Variants in AIFM2 observed in about 807,000 individuals in gnomAD.
AIFM2 encodes ferroptosis suppressor protein 1.
In AIFM2, 38 loss-of-function variants were observed where a neutral mutation model predicts 35.7. The ratio of observed to expected loss-of-function variants is 1.06; its 90% CI spans 0.82 to 1.39. The LOEUF (loss-of-function observed/expected upper bound fraction) is 1.39. Among genes scored for constraint, AIFM2 ranks in the 40% most tolerant of loss-of-function variants. The probability of loss-of-function intolerance (pLI) is 0.00; values close to 1 mark genes in which losing one functional copy is unlikely to be tolerated. For synonymous variants in AIFM2, 185 were observed against 203.5 expected (o/e 0.91, Z 0.77); for missense variants, 476 against 491.2 (o/e 0.97, Z 0.29).
chr10:70,121,297 T>A, intron 3 of AIFM2, 86 bp from the exon 4 acceptor site: 6 of 1,392,704 alleles, frequency 4.3e-6, no homozygotes, highest in Non-Finnish European at 5.5e-6. Context: ...CTCTGCATCC[T>A]ACTCCCGGCC....
In AIFM2 at chr10:70,113,035, G is replaced by A. The variant is rs979171677; in HGVS notation, c.*1143C>T. 6.6e-6 allele frequency: 1 copy of A among 152,198 alleles called. No individual in the cohort carries two copies. Among genetic ancestry groups the A allele is most frequent in the Admixed American group, 6.5e-5 (1 of 15,284 alleles). 9.4% of individuals were successfully genotyped at this position (152,198 alleles called of 1,614,324 possible). A position where few individuals can be genotyped will look rare whatever the true frequency, so the allele number is the denominator to read the frequency against. On this transcript the variant is annotated 3_prime_UTR_variant, in exon 9 of 9. Coordinates refer to ENST00000307864, the MANE Select transcript of AIFM2 (RefSeq NM_032797.6). ...AGAAACCCCCTCTGCTCGCTAATGG[G>A]TAAGCAGATGGCACCCCGCAAAGAG... is the stretch of plus-strand genomic sequence containing the variant.
intron 3 of AIFM2, among the ~76,000 whole-genome samples, chr10:70,121,781 T>G (rs2072510075): frequency 6.6e-6 from 1 of 150,754 alleles, no homozygotes; most frequent in Non-Finnish European, 1.5e-5. Context: ...TAATTTAATT[T>G]TTTTAAATTA....
chr10:70,119,844 T>C (rs2072478645), intron 5 of AIFM2, among the ~76,000 whole-genome samples: 1 of 152,210 alleles, frequency 6.6e-6, no homozygotes, highest in Non-Finnish European at 1.5e-5. Flanking sequence ...TTGCCAAGCC[T>C]GGACAGGGTG....
chr10:70,124,039 T>C lies in AIFM2; in HGVS notation c.46A>G (p.Ile16Val), dbSNP rs2072539391. ...SVESGALHVV[I>V]VGGGFGGIAA... ...ATCCCGCCAAAGCCCCCACCCACAA[T>C]CACCACGTGCAGAGCTCCCGATTCC... Residue 16 changes from isoleucine (I) to valine (V), a missense_variant, in exon 2 of 9, where the codon ATT becomes GTT. Ile to Val is a conservative substitution (Grantham distance 29). Coordinates refer to ENST00000307864, the MANE Select transcript of AIFM2 (RefSeq NM_032797.6). The C allele has an allele frequency of 6.2e-7, 1 of 1,609,430 alleles. No individual in the cohort carries two copies. The highest frequency in any genetic ancestry group is 1.3e-5 in the African/African-American group (1 of 74,638).
Position 70,123,498 on chromosome 10 carries a change from A to C in AIFM2, c.201T>G (p.Ile67Met). Reference protein sequence around the residue: ...VETGFAKKTFISYSVTFKDNF... With the variant: ...VETGFAKKTFMSYSVTFKDNF... ...TGTCCTTGAAAGTCACCGAGTAAGA[A>C]ATGAATGTCTTTTTGGCGAACCCTG... Residue 67 changes from isoleucine (I) to methionine (M), a missense_variant, in exon 3 of 9, where the codon ATT (isoleucine) becomes ATG (methionine). Coordinates refer to ENST00000307864, the MANE Select transcript of AIFM2 (RefSeq NM_032797.6). 1.2e-6 allele frequency: 2 copies of C among 1,614,094 alleles called. No homozygotes were observed. Among genetic ancestry groups the C allele is most frequent in the South Asian group, 1.1e-5 (1 of 91,082 alleles).
In AIFM2 at chr10:70,120,580, A is replaced by ATGAACC; in HGVS notation, c.428_433dup (p.Arg143_Phe144dup). The ATGAACC allele has an allele frequency of 6.2e-7, 1 of 1,614,088 alleles. No individual in the cohort carries two copies. The highest frequency in any genetic ancestry group is 2.2e-5 in the East Asian group (1 of 44,890). On this transcript the variant is annotated inframe_insertion, in exon 5 of 9. Coordinates refer to ENST00000307864, the MANE Select transcript of AIFM2 (RefSeq NM_032797.6). ...AGCCGAGCCTCCTCCCACCACCACG[A>ATGAACC]TGAACCGTGAGCGCTGGACCTGGAG...
chr10:70,129,145 T>C (rs2072600512), intron 1 of AIFM2, among the ~76,000 whole-genome samples: 1 of 113,930 alleles, frequency 8.8e-6, no homozygotes, highest in East Asian at 2.5e-4. Context: ...TTTTTTTTTG[T>C]AGAGATGAGG....
intron 3 of AIFM2, among the ~76,000 whole-genome samples, chr10:70,122,609 C>T (rs1386406118): frequency 6.6e-6 from 1 of 152,194 alleles, no homozygotes; most frequent in Non-Finnish European, 1.5e-5. Context: ...GCCCCAGTGA[C>T]GTCCCGATCC....
intron 1 of AIFM2, among the ~76,000 whole-genome samples, chr10:70,126,930 G>C (rs1483641913): frequency 6.6e-6 from 1 of 152,120 alleles, no homozygotes; most frequent in Non-Finnish European, 1.5e-5. Context: ...CAACCCCCCG[G>C]CAGGCAGGGC....
chr10:70,120,525 T>C lies in AIFM2; in HGVS notation c.489A>G (p.Thr163=). Residue 163 remains threonine (T), a synonymous_variant, in exon 5 of 9, where the codon ACA becomes ACG. Coordinates refer to ENST00000307864, the MANE Select transcript of AIFM2 (RefSeq NM_032797.6). ...AGVEMAAEIK[T]EYPEKEVTLI... The stretch of plus-strand genomic sequence containing the variant: ...GGCTCACCTCTTTCTCAGGATATTC[T>C]GTTTTAATCTCTGCTGCCATCTCCA... The C allele has an allele frequency of 1.2e-6, 2 of 1,614,208 alleles. No individual in the cohort carries two copies. Among genetic ancestry groups the C allele is most frequent in the South Asian group, 2.2e-5 (2 of 91,086 alleles).
At chr10:70,121,362 C>T (rs1008007146) in intron 3 of AIFM2, 151 bp from the exon 4 acceptor site, 1 of 1,289,508 alleles carries the variant, frequency 7.8e-7, no homozygotes, top group African/African-American at 1.5e-5. Context: ...GAGGCAGCCC[C>T]CATGGGAGGG....
rs149850946 is a variant in AIFM2 at position 70,123,447 on chromosome 10, C to G, written c.252G>C (p.Gly84=). The change falls in exon 3 of 9, where the codon GGG becomes GGC. Residue 84 remains glycine, a synonymous_variant. Transcript: ENST00000307864. The part of the protein sequence containing the change: ...KDNFRQGLVV[G]IDLKNQMVLL... ...GCACCATCTGGTTCTTCAGGTCTAT[C>G]CCCACTACTAGCCCCTGCCGGAAGT... The G allele has an allele frequency of 1.3e-5, 21 of 1,614,074 alleles. No homozygotes were observed. In the African/African-American group the frequency reaches 2.8e-4, roughly 22 times the overall value.
Position 70,123,441 on chromosome 10 carries a change from G to C in AIFM2, c.258C>G (p.Asp86Glu). 1 of 1,614,164 alleles carries C rather than the reference G, an allele frequency of 6.2e-7. No homozygotes were observed. Among genetic ancestry groups the C allele is most frequent in the Middle Eastern group, 1.7e-4 (1 of 6,060 alleles). The change falls in exon 3 of 9, where the codon GAC becomes GAG. Residue 86 changes from aspartate to glutamate, a missense_variant. Physicochemically the swap from Asp to Glu is conservative, Grantham distance 45 (BLOSUM62 2). Transcript: ENST00000307864. ...GCAGCAGCACCATCTGGTTCTTCAGGTCTATCCCCACTACTAGCCCCTGCC... is the reference window on the plus strand; with the variant it reads ...GCAGCAGCACCATCTGGTTCTTCAGCTCTATCCCCACTACTAGCCCCTGCC... ...NFRQGLVVGIDLKNQMVLLQG... is the reference protein window; with the variant it reads ...NFRQGLVVGIELKNQMVLLQG...
chr10:70,123,215 T>C (rs1167906439), intron 3 of AIFM2, among the ~76,000 whole-genome samples, 190 bp downstream of exon 3: 1 of 152,120 alleles, frequency 6.6e-6, no homozygotes, highest in Non-Finnish European at 1.5e-5. Flanking sequence ...GACAGGGTTT[T>C]GCCATGTTGG....
rs191321656 is a variant in AIFM2, at chr10:70,126,213, C to T, written c.-13-2116G>A. 5.7e-3 allele frequency among the ~76,000 whole-genome samples: 864 copies of T among 152,360 alleles called. 15 individuals carry two copies. The highest frequency in any genetic ancestry group is 0.02 in the African/African-American group (819 of 41,586). On this transcript the variant is annotated intron_variant, in intron 1 of 8. Transcript: ENST00000307864. ...CCCTGAGAGGTGACAAGCAATCAAC[C>T]CTCCTCCTGGCCTGTGCTGAGCCCT...
rs989857953 is a variant in AIFM2, at chr10:70,123,117, C to T, written c.294+288G>A. Among the ~76,000 whole-genome samples, 5 of 152,298 alleles carry T rather than the reference C, an allele frequency of 3.3e-5. No individual in the cohort carries two copies. The South Asian group carries it at 6.2e-4, about 19-fold the overall frequency. ...CTCAGCTTACTGGAACTTCCACCTC[C>T]GAATTCAAGCAATTCTCCAGCCTCC... On this transcript the variant is annotated intron_variant, in intron 3 of 8. Coordinates refer to ENST00000307864, the MANE Select transcript of AIFM2 (RefSeq NM_032797.6).
chr10:70,127,175 G>A (rs772134467), intron 1 of AIFM2, among the ~76,000 whole-genome samples: 5 of 152,240 alleles, frequency 3.3e-5, no homozygotes, highest in Admixed American at 1.3e-4. Context: ...CCCTGGCAGC[G>A]TGCAACCCTC....
intron 1 of AIFM2, among the ~76,000 whole-genome samples, chr10:70,129,889 T>TAA (rs151315683): frequency 0.044 from 6,587 of 149,284 alleles, 465 homozygotes; most frequent in African/African-American, 0.14. Context: ...CCCCATCTTT[T>TAA]AAAAAAAAAA....
Position 70,112,480 on chromosome 10 carries a change from C to T in AIFM2, c.*1698G>A, listed in dbSNP as rs1379795286. ...TCCTGCCTCCAGGAAGGTGGGCTTC[C>T]CTTCGTGGTCCATAAAGAAAGACAG... On this transcript the variant is annotated 3_prime_UTR_variant, in exon 9 of 9. Coordinates refer to ENST00000307864, the MANE Select transcript of AIFM2 (RefSeq NM_032797.6). 5 of 152,346 alleles carry T rather than the reference C, an allele frequency of 3.3e-5. No individual in the cohort carries two copies. Among genetic ancestry groups the T allele is most frequent in the African/African-American group, 9.6e-5 (4 of 41,576 alleles). The allele number at this position is 152,346 out of a possible 1,614,324, so 9.4% of individuals were successfully genotyped here.
Sources: allele counts gnomAD v4.1 joint callset (sites outside exome capture counted in the v4.1 genomes callset), GRCh38; gene constraint gnomAD v4.1.1; transcripts MANE v1.5; gene names NCBI Gene and HGNC (gene_info 2026-07-23, HGNC 2026-07-21).